KCNC2: variants seen among roughly 807,000 people sequenced by gnomAD.
KCNC2 encodes the protein potassium voltage-gated channel subfamily C member 2.
In KCNC2, 21 loss-of-function variants were observed where a neutral mutation model predicts 44.5. The observed-to-expected ratio is 0.47, with a 90% confidence interval of 0.33 to 0.68. KCNC2 has a LOEUF of 0.68. KCNC2 is among the 30% of genes least tolerant of loss of function. The probability of loss-of-function intolerance (pLI) is 0.01; values close to 1 mark genes in which losing one functional copy is unlikely to be tolerated. For synonymous variants in KCNC2, 391 were observed against 339.1 expected (o/e 1.15, Z -1.68); for missense variants, 589 against 826.2 (o/e 0.71, Z 3.52).
intron 2 of KCNC2, among the ~76,000 whole-genome samples, chr12:75,067,701 T>A (rs1021248832): frequency 1.3e-5 from 2 of 152,138 alleles, no homozygotes; most frequent in African/African-American, 4.8e-5. Flanking sequence ...TGTAGAAAAG[T>A]CTTAAAAAGT....
At chr12:75,099,995 T>C (rs559974846) in intron 2 of KCNC2, among the ~76,000 whole-genome samples, 2 of 149,034 alleles carry the variant, frequency 1.3e-5, no homozygotes, top group African/African-American at 4.8e-5. Flanking sequence ...CTCTGGGCTA[T>C]ATGAAAATGT....
rs200570594 is a variant in KCNC2 at position 75,050,445 on chromosome 12, T to C, written c.1560A>G (p.Thr520=). 23 of 1,613,506 alleles carry C rather than the reference T, an allele frequency of 1.4e-5. No individual in the cohort carries two copies. The African/African-American group carries it at 2.9e-4, about 21-fold the overall frequency. Reference sequence around the variant, plus strand: ...CTTTGCCCAGACATGTGTCACTCTGTGTACTATTGCAGGCCATATTTAATT... The same window carrying C: ...CTTTGCCCAGACATGTGTCACTCTGCGTACTATTGCAGGCCATATTTAATT... ...KTELNMACNS[T]QSDTCLGKDN... The change falls in exon 3 of 5, where the codon ACA becomes ACG. Residue 520 remains threonine, a synonymous_variant. Coordinates refer to ENST00000549446, the MANE Select transcript of KCNC2 (RefSeq NM_139137.4).
chr12:75,066,968 C>T (rs1882892844), intron 2 of KCNC2, among the ~76,000 whole-genome samples: 1 of 152,030 alleles, frequency 6.6e-6, no homozygotes, highest in African/African-American at 2.4e-5. Context: ...TTTGGGAGGC[C>T]AAGGCAGGCA....
At chr12:75,072,410 G>T (rs1483659148) in intron 2 of KCNC2, among the ~76,000 whole-genome samples, 1 of 151,866 alleles carries the variant, frequency 6.6e-6, no homozygotes, top group Non-Finnish European at 1.5e-5. Flanking sequence ...TTGAAAGGAA[G>T]GGAATATTTT....
chr12:75,154,232 G>A (rs571882046), intron 2 of KCNC2, among the ~76,000 whole-genome samples: 1 of 152,082 alleles, frequency 6.6e-6, no homozygotes, highest in South Asian at 2.1e-4. Context: ...TATTTATTTA[G>A]CAAAGCATGC....
intron 2 of KCNC2, among the ~76,000 whole-genome samples, chr12:75,136,967 T>C (rs1486885417): frequency 1.3e-5 from 2 of 152,164 alleles, no homozygotes; most frequent in Non-Finnish European, 2.9e-5. Context: ...CTCTCTCCTC[T>C]TTCCTTGTCA....
intron 2 of KCNC2, among the ~76,000 whole-genome samples, chr12:75,146,823 T>C (rs923151158): frequency 6.6e-6 from 1 of 152,226 alleles, no homozygotes; most frequent in East Asian, 1.9e-4. Context: ...TTAATCATTT[T>C]ATGTGTATAT....
intron 2 of KCNC2, among the ~76,000 whole-genome samples, chr12:75,141,273 A>C (rs1340568732): frequency 6.6e-6 from 1 of 152,196 alleles, no homozygotes; most frequent in South Asian, 2.1e-4. Flanking sequence ...CTAGGGAGTG[A>C]GGCTTCTTTA....
chr12:75,093,272 T>C (rs2137140533), intron 2 of KCNC2, among the ~76,000 whole-genome samples: 1 of 151,704 alleles, frequency 6.6e-6, no homozygotes, highest in African/African-American at 2.4e-5. Flanking sequence ...TTTATCACAA[T>C]GTCAATGGTC....
intron 2 of KCNC2, among the ~76,000 whole-genome samples, chr12:75,176,441 C>T (rs947646105): frequency 2.0e-5 from 3 of 151,900 alleles, no homozygotes; most frequent in African/African-American, 7.2e-5. Context: ...GAAGTCCTTG[C>T]AATGGACTAC....
chr12:75,129,583 A>G (rs915008022), intron 2 of KCNC2, among the ~76,000 whole-genome samples: 1 of 152,196 alleles, frequency 6.6e-6, no homozygotes, highest in Non-Finnish European at 1.5e-5. Context: ...AATACTTGGC[A>G]TACAAGAAGT....
At chr12:75,068,336 G>T (rs1379958) in intron 2 of KCNC2, among the ~76,000 whole-genome samples, 4,890 of 152,156 alleles carry the variant, frequency 0.032, 237 homozygotes, top group African/African-American at 0.11. Flanking sequence ...AGGACTTTGG[G>T]GAGAAAAGAC....
intron 2 of KCNC2, among the ~76,000 whole-genome samples, chr12:75,076,311 C>T (rs1166665461): frequency 1.3e-5 from 2 of 150,092 alleles, no homozygotes; most frequent in East Asian, 2.0e-4. Flanking sequence ...GACTGAGTCT[C>T]GCTTTGTCGC....
At chr12:75,193,796 G>A (rs2030520726) in intron 2 of KCNC2, among the ~76,000 whole-genome samples, 1 of 152,034 alleles carries the variant, frequency 6.6e-6, no homozygotes, top group Non-Finnish European at 1.5e-5. Context: ...CCTGTGTTCT[G>A]CACAATCCTG....
At chr12:75,107,117 A>G (rs1473930770) in intron 2 of KCNC2, among the ~76,000 whole-genome samples, 1 of 152,172 alleles carries the variant, frequency 6.6e-6, no homozygotes, top group Non-Finnish European at 1.5e-5. Context: ...ATCCTAGCTA[A>G]CATGGTGAAA....
chr12:75,187,526 C>T (rs192531646), intron 2 of KCNC2, among the ~76,000 whole-genome samples: 327 of 152,214 alleles, frequency 2.1e-3, no homozygotes, highest in African/African-American at 5.9e-3. Context: ...CTGAATTATG[C>T]GGAGCTTACA....
intron 2 of KCNC2, among the ~76,000 whole-genome samples, chr12:75,085,023 A>G (rs1415110017): frequency 1.6e-5 from 1 of 60,690 alleles, no homozygotes; most frequent in African/African-American, 5.0e-5. Context: ...CCCAAATGCC[A>G]TAGGAATTCA....
intron 2 of KCNC2, among the ~76,000 whole-genome samples, chr12:75,162,972 G>C (rs1891216744): frequency 6.6e-6 from 1 of 151,650 alleles, no homozygotes; most frequent in African/African-American, 2.4e-5. Flanking sequence ...CCCCCACTAA[G>C]CAGACCTATT....
intron 2 of KCNC2, among the ~76,000 whole-genome samples, chr12:75,071,275 A>C (rs1883373591): frequency 1.3e-5 from 2 of 152,230 alleles, no homozygotes; most frequent in South Asian, 2.1e-4. Context: ...ATTAAAAAAA[A>C]CCCTACATGA....
Sources: allele counts gnomAD v4.1 joint callset (sites outside exome capture counted in the v4.1 genomes callset), GRCh38; gene constraint gnomAD v4.1.1; transcripts MANE v1.5; gene names NCBI Gene and HGNC (gene_info 2026-07-23, HGNC 2026-07-21).